FER1L6: variants seen among roughly 807,000 people sequenced by gnomAD.
The protein encoded by FER1L6 is fer-1 like family member 6, also known as fer-1-like protein 6.
FER1L6 carries 177 observed loss-of-function variants against 219.2 expected under a neutral mutation model. The ratio of observed to expected loss-of-function variants is 0.81; its 90% confidence interval spans 0.71 to 0.91. The LOEUF (loss-of-function observed/expected upper bound fraction) is 0.91, where lower values mean the gene tolerates loss of function less well. Among genes scored for constraint, FER1L6 ranks in the 40% least tolerant of loss-of-function variants. The pLI is 0.00. For missense variants in FER1L6, 2,153 were observed against 2,259.9 expected (o/e 0.95, Z 0.96); for synonymous variants, 768 against 824.3 (o/e 0.93, Z 1.17).
rs1822026688 is a variant in FER1L6, at chr8:124,091,497, T to C, written c.4466T>C (p.Leu1489Pro). 6.2e-7 allele frequency: 1 copy of C among 1,613,924 alleles called. No individual in the cohort carries two copies. The highest frequency in any genetic ancestry group is 2.2e-5 in the East Asian group (1 of 44,876). ...ACTAAGCTCTGCAAAGACAACAAGC[T>C]GGATGGACCCTACTTTCACCCTGGG... ...ILTKLCKDNK[L>P]DGPYFHPGKI... Residue 1489 changes from leucine (L) to proline (P), a missense_variant, in exon 34 of 41, where the codon CTG becomes CCG. Leu to Pro is a moderately conservative substitution (Grantham distance 98). Transcript: ENST00000522917.
chr8:123,971,105 C>T (rs1381640743), intron 6 of FER1L6, among the ~76,000 whole-genome samples: 3 of 152,186 alleles, frequency 2.0e-5, no homozygotes, highest in African/African-American at 7.2e-5. Context: ...GATGACAAAA[C>T]TTGTTTTGAA....
intron 39 of FER1L6, among the ~76,000 whole-genome samples, chr8:124,114,882 AGT>A (rs1384171506): frequency 8.4e-6 from 1 of 118,860 alleles, no homozygotes; most frequent in African/African-American, 3.1e-5. Flanking sequence ...ATATATATGC[AGT>A]GTGTGTGTGC....
intron 1 of FER1L6, among the ~76,000 whole-genome samples, chr8:123,855,981 GAGATATATGTATATACATATGTA>G: frequency 2.3e-5 from 3 of 128,212 alleles, no homozygotes; most frequent in African/African-American, 6.1e-5. Flanking sequence ...ATATGTATAT[GAGATATATGTATATACATATGTA>G]TATGAGATAT....
chr8:124,070,888 T>G (rs1392882583), intron 30 of FER1L6, among the ~76,000 whole-genome samples: 1 of 152,176 alleles, frequency 6.6e-6, no homozygotes, highest in Non-Finnish European at 1.5e-5. Flanking sequence ...ATACCAAATG[T>G]GTGATTTATG....
In FER1L6 at chr8:124,101,352, T is replaced by C; in HGVS notation, c.5125+14T>C. Reference sequence around the variant, plus strand: ...ATGACTTCCTGGGTAAGCCAGTGGCTTCATCAAGCACATATTAATGTTAAG... The same window carrying C: ...ATGACTTCCTGGGTAAGCCAGTGGCCTCATCAAGCACATATTAATGTTAAG... On this transcript the variant is annotated intron_variant, in intron 38 of 40. Coordinates refer to ENST00000522917, the MANE Select transcript of FER1L6 (RefSeq NM_001039112.2). The C allele has an allele frequency of 6.2e-7, 1 of 1,609,652 alleles. No homozygotes were observed. Among genetic ancestry groups the C allele is most frequent in the Non-Finnish European group, 8.5e-7 (1 of 1,176,700 alleles).
At chr8:123,998,882 T>C (rs976739782) in intron 12 of FER1L6, among the ~76,000 whole-genome samples, 1 of 152,142 alleles carries the variant, frequency 6.6e-6, no homozygotes, top group East Asian at 1.9e-4. Context: ...CGATTAGCAA[T>C]GTTCACTCAA....
At chr8:124,024,669 T>C (rs937151834) in intron 18 of FER1L6, among the ~76,000 whole-genome samples, 27 of 152,344 alleles carry the variant, frequency 1.8e-4, no homozygotes, top group Non-Finnish European at 3.7e-4. Context: ...ACAATAAACA[T>C]ATACGTGCTG....
At chr8:123,926,891 C>T (rs944671978) in intron 1 of FER1L6, among the ~76,000 whole-genome samples, 1 of 152,098 alleles carries the variant, frequency 6.6e-6, no homozygotes, top group Non-Finnish European at 1.5e-5. Context: ...ACTTAATTCT[C>T]TCTCTCTCTC....
intron 12 of FER1L6, among the ~76,000 whole-genome samples, chr8:123,996,153 A>G (rs901473910): frequency 1.3e-5 from 2 of 152,128 alleles, no homozygotes; most frequent in Non-Finnish European, 2.9e-5. Flanking sequence ...ATGTCCTATA[A>G]ATATCTATTA....
At chr8:123,981,903 T>C (rs1229777502) in intron 11 of FER1L6, among the ~76,000 whole-genome samples, 1 of 152,150 alleles carries the variant, frequency 6.6e-6, no homozygotes, top group African/African-American at 2.4e-5. Context: ...ACATAGGAAG[T>C]AGGCAATGCA....
At chr8:124,001,820 A>T (rs535057575) in intron 12 of FER1L6, among the ~76,000 whole-genome samples, 9 of 152,338 alleles carry the variant, frequency 5.9e-5, no homozygotes, top group African/African-American at 2.2e-4. Flanking sequence ...TTCTCAAGAC[A>T]TTTGCAGACA....
chr8:124,051,298 G>A (rs1228513708), intron 22 of FER1L6, among the ~76,000 whole-genome samples: 3 of 152,172 alleles, frequency 2.0e-5, no homozygotes, highest in African/African-American at 4.8e-5. Context: ...AGCAGCCTAA[G>A]CAACCTAAGA....
chr8:123,986,265 A>T, intron 12 of FER1L6, 89 bp downstream of exon 12: 1 of 766,036 alleles, frequency 1.3e-6, no homozygotes. Flanking sequence ...ACATGAAGAT[A>T]ATAGCACTCT....
Position 124,044,438 on chromosome 8 carries a change from T to A in FER1L6, c.2590-1329T>A, listed in dbSNP as rs572365750. 7.2e-4 allele frequency among the ~76,000 whole-genome samples: 110 copies of A among 152,204 alleles called. 1 individual carries two copies. The highest frequency in any genetic ancestry group is 2.6e-3 in the African/African-American group (110 of 41,540). On this transcript the variant is annotated intron_variant, in intron 20 of 40. Coordinates refer to ENST00000522917, the MANE Select transcript of FER1L6 (RefSeq NM_001039112.2). ...TTATGACCCACATAAAGAAGAGCAA[T>A]AAAAATATTCCTTTGTGACCACAGG...
At chr8:123,937,287 A>G (rs1017776727) in intron 1 of FER1L6, among the ~76,000 whole-genome samples, 2 of 152,204 alleles carry the variant, frequency 1.3e-5, no homozygotes, top group African/African-American at 2.4e-5. Flanking sequence ...AACAAATACA[A>G]AACCTTCCAT....
rs1816575367 is a variant in FER1L6 at position 123,853,863 on chromosome 8, G to A, written c.-8+1678G>A. On this transcript the variant is annotated intron_variant, in intron 1 of 40. Coordinates refer to ENST00000522917, the MANE Select transcript of FER1L6 (RefSeq NM_001039112.2). This position sits in a 1 kb window ranked among gnomAD's most constrained non-coding sequence, Gnocchi z 6.6. ...CACAGTGATGCTACCCAGGGACTCT[G>A]CAGAGCTGCCAGTCTCCTGCAACTC... Among the ~76,000 whole-genome samples, 1 of 152,208 alleles carries A rather than the reference G, an allele frequency of 6.6e-6. No homozygotes were observed. The highest frequency in any genetic ancestry group is 2.4e-5 in the African/African-American group (1 of 41,450).
At chr8:124,035,547 A>C in intron 19 of FER1L6, 93 bp downstream of exon 19, 1 of 1,311,970 alleles carries the variant, frequency 7.6e-7, no homozygotes, top group Non-Finnish European at 1.0e-6. Flanking sequence ...AGTTTTTTGC[A>C]CATTATTTTA....
intron 1 of FER1L6, among the ~76,000 whole-genome samples, chr8:123,856,906 CAGACCAGCCCCACTGTGCTGATGTTGGT>C (rs1816659577): frequency 6.6e-6 from 1 of 152,038 alleles, no homozygotes; most frequent in African/African-American, 2.4e-5. Context: ...GGAGATGGGG[CAGACCAGCCCCACTGTGCTGATGTTGGT>C]AACTGCTCAG....
chr8:124,064,276 A>C (rs1820725671), intron 25 of FER1L6, 71 bp from the exon 26 acceptor site: 1 of 1,126,006 alleles, frequency 8.9e-7, no homozygotes, highest in African/African-American at 1.6e-5. Flanking sequence ...TCTGATTCCT[A>C]GTATTAGGTC....
Sources: allele counts gnomAD v4.1 joint callset (sites outside exome capture counted in the v4.1 genomes callset), GRCh38; gene constraint gnomAD v4.1.1; non-coding constraint Gnocchi (gnomAD v3.1); transcripts MANE v1.5; gene names NCBI Gene and HGNC (gene_info 2026-07-23, HGNC 2026-07-21).